Variants in LAMA2 observed in about 807,000 individuals in gnomAD.
The protein encoded by LAMA2 is laminin subunit alpha-2.
Under a neutral mutation model 364.8 loss-of-function variants are expected in LAMA2, and 269 were observed. That is an observed-to-expected ratio of 0.74 (90% CI 0.67 to 0.82). The LOEUF (loss-of-function observed/expected upper bound fraction) is 0.82. Ranked by LOEUF, LAMA2 falls within the 40% of genes least tolerant of loss-of-function variation. The pLI is 0.00. For missense variants in LAMA2, 3,807 were observed against 3,873.2 expected (o/e 0.98, Z 0.45); for synonymous variants, 1,379 against 1,370.6 (o/e 1.01, Z -0.14).
chr6:129,309,451 G>A (rs1429062547), intron 22 of LAMA2, among the ~76,000 whole-genome samples: 1 of 152,036 alleles, frequency 6.6e-6, no homozygotes, highest in Non-Finnish European at 1.5e-5. Context: ...TTCATGCTTT[G>A]GTTTTATACA....
Position 129,516,315 on chromosome 6 carries a change from G to T in LAMA2, c.9337G>T (p.Gly3113Cys). 1.2e-6 allele frequency: 2 copies of T among 1,614,070 alleles called. No homozygotes were observed. Among genetic ancestry groups the T allele is most frequent in the South Asian group, 1.1e-5 (1 of 91,082 alleles). ...TTTTGCCAAGGCCCTGGAACTGAGG[G>T]GCGTTCAACCTGTATCATGCCCAGC... is the stretch of plus-strand genomic sequence containing the variant. ...VNFAKALELR[G>C]VQPVSCPAN The change falls in exon 65 of 65, where the codon GGC (glycine) becomes TGC (cysteine). Residue 3113 changes from glycine (G) to cysteine (C), a missense_variant. Coordinates refer to ENST00000421865, the MANE Select transcript of LAMA2 (RefSeq NM_000426.4).
At chr6:129,249,165 T>A (rs1430997002) in intron 12 of LAMA2, among the ~76,000 whole-genome samples, 3 of 152,150 alleles carry the variant, frequency 2.0e-5, no homozygotes, top group Admixed American at 1.3e-4. Flanking sequence ...CTGGTCAGGG[T>A]TGGACGTGAA....
chr6:129,008,543 G>A (rs1274976334), intron 1 of LAMA2, among the ~76,000 whole-genome samples: 9 of 151,884 alleles, frequency 5.9e-5, no homozygotes, highest in Admixed American at 2.6e-4. Context: ...TTTTGATCCC[G>A]GGTCTACATG....
chr6:129,505,070 A>G (rs573909293), intron 60 of LAMA2, 130 bp from the exon 61 acceptor site: 27 of 790,752 alleles, frequency 3.4e-5, no homozygotes, highest in African/African-American at 1.4e-4. Flanking sequence ...TAATGGGCTT[A>G]GCGCATACTA....
intron 1 of LAMA2, among the ~76,000 whole-genome samples, chr6:129,026,671 GA>G (rs1436923279): frequency 6.6e-6 from 1 of 152,166 alleles, no homozygotes; most frequent in African/African-American, 2.4e-5. Flanking sequence ...GTGGGAAAGT[GA>G]AATACAAGGG....
At chr6:129,416,790 T>C (rs1583698346) in intron 40 of LAMA2, among the ~76,000 whole-genome samples, 3 of 151,764 alleles carry the variant, frequency 2.0e-5, no homozygotes, top group African/African-American at 7.3e-5. Context: ...CTGCCAAGGG[T>C]GATTCAGGGC....
chr6:129,418,981 T>C (rs1273271762), intron 40 of LAMA2, among the ~76,000 whole-genome samples: 1 of 152,122 alleles, frequency 6.6e-6, no homozygotes, highest in African/African-American at 2.4e-5. Context: ...ATGCACTACC[T>C]CACATACTGG....
intron 46 of LAMA2, among the ~76,000 whole-genome samples, chr6:129,453,760 T>G (rs1192961432): frequency 6.6e-6 from 1 of 152,120 alleles, no homozygotes; most frequent in Non-Finnish European, 1.5e-5. Context: ...TGGGTCAATT[T>G]GGGAAATAAA....
At chr6:129,486,211 G>T (rs1784576383) in intron 55 of LAMA2, among the ~76,000 whole-genome samples, 1 of 152,204 alleles carries the variant, frequency 6.6e-6, no homozygotes, top group Admixed American at 6.5e-5. Flanking sequence ...CGCAAGCACA[G>T]CTGTTACTTT....
intron 41 of LAMA2, among the ~76,000 whole-genome samples, chr6:129,434,789 C>T (rs1781758519): frequency 6.6e-6 from 1 of 152,044 alleles, no homozygotes; most frequent in Admixed American, 6.6e-5. Flanking sequence ...ATTTTGAAAT[C>T]TGCAATTCTT....
At chr6:129,027,592 G>C (rs1302156188) in intron 1 of LAMA2, among the ~76,000 whole-genome samples, 1 of 151,866 alleles carries the variant, frequency 6.6e-6, no homozygotes, top group East Asian at 1.9e-4. Context: ...ATGGTAACTT[G>C]TGTTTTTTAA....
chr6:129,481,539 T>G, intron 55 of LAMA2, 100 bp downstream of exon 55: 1 of 1,005,486 alleles, frequency 9.9e-7, no homozygotes, highest in South Asian at 1.3e-5. Flanking sequence ...ATTTCTGCTC[T>G]CATCTTGGCT....
chr6:128,921,673 T>A (rs181817087), intron 1 of LAMA2, among the ~76,000 whole-genome samples: 62 of 150,890 alleles, frequency 4.1e-4, no homozygotes, highest in African/African-American at 1.4e-3. Context: ...AGTTACAGCC[T>A]CCTGAACTGT....
intron 40 of LAMA2, among the ~76,000 whole-genome samples, chr6:129,427,459 C>A (rs1183833771): frequency 6.6e-6 from 1 of 152,132 alleles, no homozygotes; most frequent in Non-Finnish European, 1.5e-5. Context: ...GTTATGCTCT[C>A]CTAATTTCTC....
chr6:129,342,426 C>T lies in LAMA2; in HGVS notation c.4395C>T (p.Asp1465=), dbSNP rs749615729. 2 of 1,613,498 alleles carry T rather than the reference C, an allele frequency of 1.2e-6. No individual in the cohort carries two copies. The highest frequency in any genetic ancestry group is 1.7e-6 in the Non-Finnish European group (2 of 1,179,516). The change falls in exon 30 of 65, where the codon GAC becomes GAT. Residue 1465 remains aspartate, a synonymous_variant. Coordinates refer to ENST00000421865, the MANE Select transcript of LAMA2 (RefSeq NM_000426.4). ...YYGIVKGLPN[D]CQQCACPLIS... ...GAATTGTCAAGGGATTGCCAAATGA[C>T]TGTCAGCAATGTGCCTGCCCTCTGA...
intron 1 of LAMA2, among the ~76,000 whole-genome samples, chr6:128,950,056 A>C (rs1780717694): frequency 6.6e-6 from 1 of 152,224 alleles, no homozygotes; most frequent in African/African-American, 2.4e-5. Context: ...CTAAAAATTT[A>C]AGTCAAATAT....
Position 129,427,873 on chromosome 6 carries a change from T to G in LAMA2, c.5968+19T>G, listed in dbSNP as rs375438392. ...GTAAAAGGTCAGTGTGGCCATAGTT[T>G]TTATTATATTCCAGTTAATCGGGTT... On this transcript the variant is annotated intron_variant, in intron 41 of 64. Transcript: ENST00000421865. 19 of 1,443,924 alleles carry G rather than the reference T, an allele frequency of 1.3e-5. No homozygotes were observed. The African/African-American group carries it at 2.4e-4, about 18-fold the overall frequency. 89.4% of individuals were successfully genotyped at this position (1,443,924 alleles called of 1,614,324 possible).
At chr6:129,011,982 G>A (rs965422948) in intron 1 of LAMA2, among the ~76,000 whole-genome samples, 2 of 151,984 alleles carry the variant, frequency 1.3e-5, no homozygotes, top group Non-Finnish European at 2.9e-5. Flanking sequence ...AGAGAAAAAC[G>A]AGGCACTGGG....
chr6:129,146,288 ATAGTC>A (rs1778426374), intron 5 of LAMA2, among the ~76,000 whole-genome samples: 1 of 151,998 alleles, frequency 6.6e-6, no homozygotes, highest in African/African-American at 2.4e-5. Flanking sequence ...AATTTTAAAA[ATAGTC>A]TAGCCTCCAT....
Sources: gnomAD v4.1 joint callset for allele counts (sites outside exome capture counted in the v4.1 genomes callset) on GRCh38, gnomAD v4.1.1 for gene constraint, MANE v1.5 for transcripts, NCBI Gene and HGNC (gene_info 2026-07-23, HGNC 2026-07-21) for gene names.